Variants in CEACAM6 observed in about 807,000 individuals in gnomAD.
CEACAM6 encodes the protein CEA cell adhesion molecule 6.
Under a neutral mutation model 32.4 loss-of-function variants are expected in CEACAM6, and 21 were observed. The ratio of observed to expected loss-of-function variants is 0.65; its 90% CI spans 0.46 to 0.93. The LOEUF is 0.93. Among genes scored for constraint, CEACAM6 ranks in the 40% least tolerant of loss-of-function variants. The probability of loss-of-function intolerance (pLI) is 0.00; values close to 1 mark genes in which losing one functional copy is unlikely to be tolerated. For synonymous variants in CEACAM6, 184 were observed against 174.4 expected (o/e 1.06, Z -0.43); for missense variants, 406 against 432.2 (o/e 0.94, Z 0.54).
In CEACAM6 at chr19:41,761,536, C is replaced by A; in HGVS notation, c.703+9C>A. On this transcript the variant is annotated intron_variant, in intron 3 of 5. Transcript: ENST00000199764. ...CACCCTGAATGTCCTCTGTGAGTAT[C>A]TTCTGTTCCTCTGTGGCCCAGGCTG... 6.2e-7 allele frequency: 1 copy of A among 1,613,132 alleles called. No homozygotes were observed. The highest frequency in any genetic ancestry group is 8.5e-7 in the Non-Finnish European group (1 of 1,179,268).
intron 5 of CEACAM6, among the ~76,000 whole-genome samples, 192 bp downstream of exon 5, chr19:41,766,491 T>A (rs1555822409): frequency 6.6e-6 from 1 of 152,192 alleles, no homozygotes; most frequent in African/African-American, 2.4e-5. Context: ...GTCTCCTAGA[T>A]ATAATTATCC....
rs376854265 is a variant in CEACAM6, at chr19:41,760,078, G to A, written c.425-1171G>A. On this transcript the variant is annotated intron_variant, in intron 2 of 5. Transcript: ENST00000199764. Reference sequence around the variant, plus strand: ...CTTATGCGTAAGTGATACTCAATCCGTATGAACTATAGGTACCAAGCTGTA... The same window carrying A: ...CTTATGCGTAAGTGATACTCAATCCATATGAACTATAGGTACCAAGCTGTA... Among the ~76,000 whole-genome samples, 100 of 152,260 alleles carry A rather than the reference G, an allele frequency of 6.6e-4. 1 individual carries two copies. The highest frequency in any genetic ancestry group is 2.3e-3 in the African/African-American group (95 of 41,532).
chr19:41,757,551 T>G (rs1319451648), intron 2 of CEACAM6, among the ~76,000 whole-genome samples: 3 of 152,062 alleles, frequency 2.0e-5, no homozygotes, highest in Admixed American at 2.0e-4. Flanking sequence ...CCTCCTTCAC[T>G]TGAGGCTCAG....
chr19:41,771,379 A>G lies in CEACAM6; in HGVS notation c.*618A>G, dbSNP rs1194962439. On this transcript the variant is annotated 3_prime_UTR_variant, in exon 6 of 6. Transcript: ENST00000199764. ...TGTTTTAATTCAACCCAGCCATGCA[A>G]TGCCAAATAATAGAATTGCTCCCTA... is the stretch of plus-strand genomic sequence containing the variant. 1 of 152,186 alleles carries G rather than the reference A, an allele frequency of 6.6e-6. No homozygotes were observed. Among genetic ancestry groups the G allele is most frequent in the African/African-American group, 2.4e-5 (1 of 41,454 alleles). The allele number at this position is 152,186 out of a possible 1,614,324, so 9.4% of individuals were successfully genotyped here. A position where few individuals can be genotyped will look rare whatever the true frequency, so the allele number is the denominator to read the frequency against.
At chr19:41,768,083 A>T (rs896841461) in intron 5 of CEACAM6, among the ~76,000 whole-genome samples, 2 of 151,340 alleles carry the variant, frequency 1.3e-5, no homozygotes, top group African/African-American at 2.4e-5. Context: ...TTTTATTTTT[A>T]TTTATTTTTA....
rs775796305 is a variant in CEACAM6 at position 41,755,535 on chromosome 19, A to G, written c.-104A>G. The G allele has an allele frequency of 3.7e-6, 4 of 1,083,398 alleles. No individual in the cohort carries two copies. The highest frequency in any genetic ancestry group is 5.6e-6 in the Non-Finnish European group (4 of 713,892). 67.1% of individuals were successfully genotyped at this position (1,083,398 alleles called of 1,614,324 possible). A position where few individuals can be genotyped will look rare whatever the true frequency, so the allele number is the denominator to read the frequency against. On this transcript the variant is annotated 5_prime_UTR_variant, in exon 1 of 6. Coordinates refer to ENST00000199764, the MANE Select transcript of CEACAM6 (RefSeq NM_002483.7). ...TCCCTGAGAGGAGGCTCAGCACAGA[A>G]GGAGGAAGGACAGCAGGGCCAACAG...
intron 4 of CEACAM6, among the ~76,000 whole-genome samples, chr19:41,763,041 G>A (rs1238977435): frequency 6.6e-6 from 1 of 152,164 alleles, no homozygotes; most frequent in Non-Finnish European, 1.5e-5. Flanking sequence ...ACTCTGCATG[G>A]CAGGGAAGGG....
intron 4 of CEACAM6, 57 bp from the exon 5 acceptor site, chr19:41,766,126 T>C: frequency 8.0e-7 from 1 of 1,246,864 alleles, no homozygotes; most frequent in Non-Finnish European, 1.1e-6. Context: ...AGCTAGTTCT[T>C]GGGGACCCCA....
chr19:41,761,469 TGAAATACAGAACCCAGC>T lies in CEACAM6; in HGVS notation c.648_664del (p.Ile217CysfsTer5). ...GGAACGATGCAGGATCCTATGAATG[TGAAATACAGAACCCAGC>T]GAGTGCCAACCGCAGTGACCCAGTC... On this transcript the variant is annotated frameshift_variant, in exon 3 of 6. Coordinates refer to ENST00000199764, the MANE Select transcript of CEACAM6 (RefSeq NM_002483.7). LOFTEE classifies it high-confidence loss of function. 6.2e-7 allele frequency: 1 copy of T among 1,614,188 alleles called. No individual in the cohort carries two copies. Among genetic ancestry groups the T allele is most frequent in the Non-Finnish European group, 8.5e-7 (1 of 1,180,038 alleles).
chr19:41,763,548 A>C (rs1163385997), intron 4 of CEACAM6, among the ~76,000 whole-genome samples: 4 of 152,200 alleles, frequency 2.6e-5, no homozygotes, highest in Non-Finnish European at 5.9e-5. Context: ...TATCTGCCCA[A>C]GACTCAATGC....
chr19:41,761,882 C>A, intron 3 of CEACAM6, 87 bp from the exon 4 acceptor site: 1 of 1,517,428 alleles, frequency 6.6e-7, no homozygotes. Flanking sequence ...TGACATGGCT[C>A]AGGGGGACAC....
chr19:41,761,824 C>T (rs553218561), intron 3 of CEACAM6, 145 bp from the exon 4 acceptor site: 1 of 1,104,018 alleles, frequency 9.1e-7, no homozygotes, highest in Admixed American at 2.3e-5. Flanking sequence ...ATGTCTCAGA[C>T]TTTGGCTCAG....
chr19:41,761,978 A>T lies in CEACAM6; in HGVS notation c.713A>T (p.Asp238Val), dbSNP rs782020048. The change falls in exon 4 of 6, where the codon GAT becomes GTT. Residue 238 changes from aspartate (D) to valine (V), a missense_variant. Asp to Val is a radical substitution (Grantham distance 152). Coordinates refer to ENST00000199764, the MANE Select transcript of CEACAM6 (RefSeq NM_002483.7). ...PVTLNVLYGPDVPTISPSKAN... is the reference protein window; with the variant it reads ...PVTLNVLYGPVVPTISPSKAN... ...ATTCTGTTTCCTCCAGATGGCCCAG[A>T]TGTCCCCACCATTTCCCCCTCAAAG... 257 of 1,613,426 alleles carry T rather than the reference A, an allele frequency of 1.6e-4. No homozygotes were observed. Among genetic ancestry groups the T allele is most frequent in the Non-Finnish European group, 2.1e-4 (244 of 1,179,556 alleles).
intron 3 of CEACAM6, 98 bp downstream of exon 3, chr19:41,761,625 A>G (rs2072925068): frequency 4.5e-6 from 7 of 1,560,152 alleles, no homozygotes; most frequent in Non-Finnish European, 6.1e-6. Context: ...AAGGACTCAG[A>G]CCCTCACCCA....
Position 41,762,098 on chromosome 19 carries a change from A to G in CEACAM6, c.833A>G (p.Gln278Arg). Residue 278 changes from glutamine to arginine, a missense_variant, in exon 4 of 6, where the codon CAG becomes CGG. By Grantham distance (43) the Gln-to-Arg change is conservative. Coordinates refer to ENST00000199764, the MANE Select transcript of CEACAM6 (RefSeq NM_002483.7). ...TCTTGGTTTATCAATGGGACGTTCC[A>G]GCAATCCACACAAGAGCTCTTTATC... ...QYSWFINGTF[Q>R]QSTQELFIPN... is the part of the protein sequence containing the mutation. 1 of 1,614,216 alleles carries G rather than the reference A, an allele frequency of 6.2e-7. No homozygotes were observed. The highest frequency in any genetic ancestry group is 8.5e-7 in the Non-Finnish European group (1 of 1,180,036).
Position 41,760,792 on chromosome 19 carries a change from G to A in CEACAM6, c.425-457G>A, listed in dbSNP as rs536762028. ...TATCCTTGGGGTTTAAGGACAATAA[G>A]AAGTCCCATCATCACCCATCTCTAG... is the stretch of plus-strand genomic sequence containing the variant. On this transcript the variant is annotated intron_variant, in intron 2 of 5. Coordinates refer to ENST00000199764, the MANE Select transcript of CEACAM6 (RefSeq NM_002483.7). Among the ~76,000 whole-genome samples, 3 of 152,292 alleles carry A rather than the reference G, an allele frequency of 2.0e-5. No homozygotes were observed. In the South Asian group the frequency reaches 6.2e-4, roughly 32 times the overall value.
At chr19:41,768,235 A>G (rs1302589949) in intron 5 of CEACAM6, among the ~76,000 whole-genome samples, 1 of 152,222 alleles carries the variant, frequency 6.6e-6, no homozygotes, top group African/African-American at 2.4e-5. Context: ...TCCTAGGCAG[A>G]GGACCCTGCG....
intron 4 of CEACAM6, among the ~76,000 whole-genome samples, chr19:41,762,727 AG>A (rs1568726803): frequency 6.6e-6 from 1 of 152,204 alleles, no homozygotes; most frequent in African/African-American, 2.4e-5. Flanking sequence ...CTCTGCTCCC[AG>A]CACCCCCAGT....
chr19:41,761,592 G>T, intron 3 of CEACAM6, 65 bp downstream of exon 3: 1 of 1,594,506 alleles, frequency 6.3e-7, no homozygotes, highest in South Asian at 1.2e-5. Flanking sequence ...CAGAGTCCAG[G>T]TCTCTCAGTC....
Sources: gnomAD v4.1 joint callset for allele counts (sites outside exome capture counted in the v4.1 genomes callset) on GRCh38, gnomAD v4.1.1 for gene constraint, MANE v1.5 for transcripts, NCBI Gene and HGNC (gene_info 2026-07-23, HGNC 2026-07-21) for gene names.